The following AGMO variants were observed in gnomAD, a reference collection of about 807,000 sequenced individuals.
AGMO encodes glyceryl-ether monooxygenase.
Under a neutral mutation model 60.2 loss-of-function variants are expected in AGMO, and 75 were observed. The observed-to-expected ratio is 1.25, with a 90% CI of 1.03 to 1.51. The LOEUF is 1.51. Among genes scored for constraint, AGMO ranks in the 40% most tolerant of loss-of-function variants. The probability of loss-of-function intolerance (pLI) is 0.00; values close to 1 mark genes in which losing one functional copy is unlikely to be tolerated. For synonymous variants in AGMO, 261 were observed against 177.1 expected, an observed-to-expected ratio of 1.47 and a Z score of -3.76; for missense variants, 763 against 525.5, an observed-to-expected ratio of 1.45 and a Z score of -4.42.
At chr7:15,216,559 G>A (rs1352967567) in intron 12 of AGMO, among the ~76,000 whole-genome samples, 1 of 151,952 alleles carries the variant, frequency 6.6e-6, no homozygotes, top group African/African-American at 2.4e-5. Flanking sequence ...TTCATTTGTA[G>A]TAGTAATGAA....
At chr7:15,178,893 C>T in the AGMO span, among the ~76,000 whole-genome samples, 12 of 152,050 alleles carry the variant, frequency 7.9e-5, no homozygotes, top group East Asian at 1.7e-3. Flanking sequence ...GGTCATCATA[C>T]GGCAGGAAAT....
chr7:15,281,189 G>A (rs960678386), intron 12 of AGMO, among the ~76,000 whole-genome samples: 1 of 152,096 alleles, frequency 6.6e-6, no homozygotes, highest in African/African-American at 2.4e-5. Context: ...AGACACAGGT[G>A]CAGTGCTAGG....
At chr7:15,256,806 A>T (rs562902480) in intron 12 of AGMO, among the ~76,000 whole-genome samples, 2 of 152,226 alleles carry the variant, frequency 1.3e-5, no homozygotes, top group South Asian at 4.1e-4. Flanking sequence ...AGGCTATTCC[A>T]CCTAGGTTTG....
At chr7:15,339,107 T>C (rs6970951) in intron 12 of AGMO, among the ~76,000 whole-genome samples, 79,024 of 151,958 alleles carry the variant, frequency 0.52, 21,974 homozygotes, top group African/African-American at 0.74. Flanking sequence ...CTATAGCTCT[T>C]TCTAGCAACA....
chr7:15,307,488 G>T (rs183802082), intron 12 of AGMO, among the ~76,000 whole-genome samples: 3 of 151,948 alleles, frequency 2.0e-5, no homozygotes, highest in Admixed American at 6.6e-5. Context: ...TTTAAAACTA[G>T]TAAGGATGTT....
At chr7:15,476,459 A>G (rs536669084) in intron 3 of AGMO, among the ~76,000 whole-genome samples, 27 of 152,228 alleles carry the variant, frequency 1.8e-4, no homozygotes, top group African/African-American at 6.3e-4. Flanking sequence ...AGGGCAGAAC[A>G]TGGATAAGGG....
intron 3 of AGMO, among the ~76,000 whole-genome samples, chr7:15,507,565 G>A (rs1351062109): frequency 3.9e-5 from 6 of 152,054 alleles, no homozygotes; most frequent in Non-Finnish European, 8.8e-5. Context: ...AATGGAAATG[G>A]AACTTATGGT....
At chr7:15,330,930 G>C (rs751013794) in intron 12 of AGMO, among the ~76,000 whole-genome samples, 1 of 151,980 alleles carries the variant, frequency 6.6e-6, no homozygotes, top group Admixed American at 6.6e-5. Context: ...ATTGGGACTA[G>C]GTTTGTGTGA....
At chr7:15,311,411 T>G (rs1780766440) in intron 12 of AGMO, among the ~76,000 whole-genome samples, 1 of 152,148 alleles carries the variant, frequency 6.6e-6, no homozygotes, top group Non-Finnish European at 1.5e-5. Context: ...AGCTGGAACC[T>G]TAAATGATCC....
chr7:15,383,513 T>C (rs887879116), intron 10 of AGMO, among the ~76,000 whole-genome samples: 5 of 152,198 alleles, frequency 3.3e-5, no homozygotes, highest in African/African-American at 9.7e-5. Context: ...TAATTAACTA[T>C]ATAAATCATA....
At chr7:15,280,729 A>T (rs1387818854) in intron 12 of AGMO, among the ~76,000 whole-genome samples, 1 of 152,200 alleles carries the variant, frequency 6.6e-6, no homozygotes, top group African/African-American at 2.4e-5. Context: ...ACCCAGGAAG[A>T]AGAAAACTTG....
intron 8 of AGMO, among the ~76,000 whole-genome samples, 160 bp downstream of exon 8, chr7:15,390,511 T>C (rs917624854): frequency 2.6e-5 from 4 of 152,234 alleles, no homozygotes; most frequent in Non-Finnish European, 2.9e-5. Flanking sequence ...ATTCAAACTT[T>C]TGCTTGTGTA....
chr7:15,365,777 G>A (rs977174411), intron 11 of AGMO, among the ~76,000 whole-genome samples, 158 bp from the exon 12 acceptor site: 1 of 152,100 alleles, frequency 6.6e-6, no homozygotes, highest in African/African-American at 2.4e-5. Flanking sequence ...CAGTGATTAA[G>A]AAAGAACACT....
At chr7:15,215,288 A>C (rs1175540677) in intron 12 of AGMO, among the ~76,000 whole-genome samples, 1 of 152,094 alleles carries the variant, frequency 6.6e-6, no homozygotes, top group Admixed American at 6.6e-5. Context: ...AATTCATTAT[A>C]ATTGGCTAAA....
At chr7:15,558,947 G>A (rs1388668881) in intron 2 of AGMO, among the ~76,000 whole-genome samples, 1 of 152,026 alleles carries the variant, frequency 6.6e-6, no homozygotes, top group African/African-American at 2.4e-5. Flanking sequence ...AGAAATGGGT[G>A]GGAAGCTGGA....
chr7:15,379,549 C>G (rs966398917), intron 10 of AGMO, among the ~76,000 whole-genome samples: 1 of 151,982 alleles, frequency 6.6e-6, no homozygotes, highest in Non-Finnish European at 1.5e-5. Context: ...TAAGACTGAA[C>G]CAGGAAGATA....
intron 9 of AGMO, among the ~76,000 whole-genome samples, chr7:15,386,502 A>G (rs1308421486): frequency 2.0e-5 from 3 of 152,242 alleles, no homozygotes; most frequent in East Asian, 1.9e-4. Flanking sequence ...TATTTCACCT[A>G]TATCAAGTTG....
chr7:15,265,333 G>T (rs372830773), intron 12 of AGMO, among the ~76,000 whole-genome samples: 95 of 151,998 alleles, frequency 6.3e-4, no homozygotes, highest in African/African-American at 1.9e-3. Flanking sequence ...TACCTGTTGG[G>T]TACTATGCTT....
At chr7:15,501,279 G>A (rs1229829249) in intron 3 of AGMO, among the ~76,000 whole-genome samples, 1 of 151,882 alleles carries the variant, frequency 6.6e-6, no homozygotes, top group African/African-American at 2.4e-5. Flanking sequence ...GCTGTCAGTA[G>A]GGTGGCAATT....
Sources: gnomAD v4.1 joint callset for allele counts (sites outside exome capture counted in the v4.1 genomes callset) on GRCh38, gnomAD v4.1.1 for gene constraint, MANE v1.5 for transcripts, NCBI Gene and HGNC (gene_info 2026-07-23, HGNC 2026-07-21) for gene names.